EPS8: variants seen among roughly 807,000 people sequenced by gnomAD.
EPS8 encodes EGFR pathway substrate 8, signaling adaptor, also known as epidermal growth factor receptor kinase substrate 8.
In EPS8, 42 loss-of-function variants were observed where a neutral mutation model predicts 103.8. The observed-to-expected ratio is 0.40, with a 90% CI of 0.32 to 0.52. The LOEUF (loss-of-function observed/expected upper bound fraction) is 0.52. Ranked by LOEUF, EPS8 falls within the 20% of genes least tolerant of loss-of-function variation. EPS8 has a pLI of 0.40. For synonymous variants in EPS8, 344 were observed against 344.6 expected, an observed-to-expected ratio of 1.00 and a Z score of 0.02; for missense variants, 969 against 1,005.1, an observed-to-expected ratio of 0.96 and a Z score of 0.49.
intron 1 of EPS8, among the ~76,000 whole-genome samples, chr12:15,692,707 T>A (rs546825116): frequency 6.6e-6 from 1 of 152,086 alleles, no homozygotes; most frequent in African/African-American, 2.4e-5. Context: ...AGTCTCTACT[T>A]TTGTATTTTC....
Position 15,781,561 on chromosome 12 carries a change from G to C in EPS8, c.-22+7600C>G, listed in dbSNP as rs922918690. 7.9e-5 allele frequency among the ~76,000 whole-genome samples: 12 copies of C among 152,148 alleles called. No homozygotes were observed. The highest frequency in any genetic ancestry group is 1.3e-4 in the Admixed American group (2 of 15,284). ...AAAGAAGATAATGTATGTAACACCT[G>C]CCACACAAAAGGTACTATTATTATG... On this transcript the variant is annotated intron_variant, in intron 1 of 20. Coordinates refer to ENST00000281172, the MANE Select transcript of EPS8 (RefSeq NM_004447.6). The surrounding 1 kb of genome is among the most constrained non-coding windows in gnomAD (Gnocchi z 4.1).
At position 15,701,044 on chromosome 12, in the gene EPS8, T is replaced by C. The variant is rs1946305381; in HGVS notation, c.-21-18072A>G. Among the ~76,000 whole-genome samples the C allele has an allele frequency of 6.6e-6, 1 of 152,164 alleles. No individual in the cohort carries two copies. Among genetic ancestry groups the C allele is most frequent in the Non-Finnish European group, 1.5e-5 (1 of 68,026 alleles). ...CCTACCTGTGTCCATCTTTATACCA[T>C]AGTCTCTTAATGATAAACAACCTTA... On this transcript the variant is annotated intron_variant, in intron 1 of 20. Transcript: ENST00000281172. This position sits in a 1 kb window ranked among gnomAD's most constrained non-coding sequence, Gnocchi z 5.1.
In EPS8 at chr12:15,690,681, A is replaced by G. The variant is rs1946159424; in HGVS notation, c.-21-7709T>C. ...TGCTTTCTAACAGAATACGTTGTAT[A>G]CTTTTCTAGGTATCAGACTGTATCA... On this transcript the variant is annotated intron_variant, in intron 1 of 20. Transcript: ENST00000281172. This position sits in a 1 kb window ranked among gnomAD's most constrained non-coding sequence, Gnocchi z 4.7. Among the ~76,000 whole-genome samples, 1 of 152,174 alleles carries G rather than the reference A, an allele frequency of 6.6e-6. No individual in the cohort carries two copies. Among genetic ancestry groups the G allele is most frequent in the Non-Finnish European group, 1.5e-5 (1 of 68,030 alleles).
chr12:15,689,764 T>C (rs984762690), intron 1 of EPS8, among the ~76,000 whole-genome samples: 6 of 152,212 alleles, frequency 3.9e-5, no homozygotes, highest in Non-Finnish European at 8.8e-5. Flanking sequence ...TGTGTACCCA[T>C]TGTTAAGTGA....
At position 15,786,474 on chromosome 12, in the gene EPS8, A is replaced by G. The variant is rs1947311967; in HGVS notation, c.-22+2687T>C. ...TGGATGGTAGGGTCCTGGAACAGAAAAAGGACATTAAAAACTAAGGAAATC... is the reference window on the plus strand; with the variant it reads ...TGGATGGTAGGGTCCTGGAACAGAAGAAGGACATTAAAAACTAAGGAAATC... On this transcript the variant is annotated intron_variant, in intron 1 of 20. Coordinates refer to ENST00000281172, the MANE Select transcript of EPS8 (RefSeq NM_004447.6). Among the ~76,000 whole-genome samples the G allele has an allele frequency of 2.0e-5, 3 of 152,064 alleles. 1 individual carries two copies. In the South Asian group the frequency reaches 6.2e-4, roughly 32 times the overall value.
chr12:15,639,304 A>C (rs1382831559), intron 17 of EPS8, among the ~76,000 whole-genome samples: 1 of 152,182 alleles, frequency 6.6e-6, no homozygotes, highest in Non-Finnish European at 1.5e-5. Flanking sequence ...ACCAGACAGA[A>C]GCATATATTA....
In EPS8 at chr12:15,642,322, G is replaced by A. The variant is rs1320342503; in HGVS notation, c.1569-492C>T. Among the ~76,000 whole-genome samples, 8 of 152,116 alleles carry A rather than the reference G, an allele frequency of 5.3e-5. No homozygotes were observed. In the East Asian group the frequency reaches 1.5e-3, roughly 29 times the overall value. Reference sequence around the variant, plus strand: ...ATTTAAAATTTATAACTAGGCATTAGTTTTTAGAAACACTTTGCCCAGTTA... The same window carrying A: ...ATTTAAAATTTATAACTAGGCATTAATTTTTAGAAACACTTTGCCCAGTTA... On this transcript the variant is annotated intron_variant, in intron 15 of 20. Coordinates refer to ENST00000281172, the MANE Select transcript of EPS8 (RefSeq NM_004447.6).
chr12:15,726,585 T>TTACA (rs970848550), intron 1 of EPS8, among the ~76,000 whole-genome samples: 1 of 152,166 alleles, frequency 6.6e-6, no homozygotes, highest in Non-Finnish European at 1.5e-5. Flanking sequence ...AGATACACAC[T>TTACA]TACATACATA....
At chr12:15,703,765 A>G (rs1946343607) in intron 1 of EPS8, among the ~76,000 whole-genome samples, 1 of 150,262 alleles carries the variant, frequency 6.7e-6, no homozygotes, top group South Asian at 2.1e-4. Context: ...TTCAGGAAGC[A>G]AAGTTGATTA....
chr12:15,624,482 T>G, intron 18 of EPS8, 75 bp from the exon 19 acceptor site: 7 of 1,180,556 alleles, frequency 5.9e-6, no homozygotes, highest in Non-Finnish European at 8.3e-6. Flanking sequence ...CCCCAATCTC[T>G]ATAATCCTTG....
intron 1 of EPS8, among the ~76,000 whole-genome samples, chr12:15,708,459 C>A (rs73054944): frequency 0.017 from 2,630 of 152,216 alleles, 36 homozygotes; most frequent in Non-Finnish European, 0.028. Flanking sequence ...GGAAGTGGTG[C>A]AAGATGGGTT....
In EPS8 at chr12:15,764,284, CT is replaced by C. The variant is rs1947071133; in HGVS notation, c.-22+24876del. Among the ~76,000 whole-genome samples, 1 of 152,232 alleles carries C rather than the reference CT, an allele frequency of 6.6e-6. No homozygotes were observed. The highest frequency in any genetic ancestry group is 1.5e-5 in the Non-Finnish European group (1 of 68,046). On this transcript the variant is annotated intron_variant, in intron 1 of 20. Transcript: ENST00000281172. The surrounding 1 kb of genome is among the most constrained non-coding windows in gnomAD (Gnocchi z 4.1). Reference sequence around the variant, plus strand: ...TTCAGTTACCTCCCACCGGGTCCCTCTCATGACACATGGGAATTATGCAAGC... The same window carrying C: ...TTCAGTTACCTCCCACCGGGTCCCTCCATGACACATGGGAATTATGCAAGC...
chr12:15,784,185 CA>C lies in EPS8; in HGVS notation c.-22+4975del, dbSNP rs906584325. Among the ~76,000 whole-genome samples the C allele has an allele frequency of 1.3e-5, 2 of 152,034 alleles. No individual in the cohort carries two copies. Among genetic ancestry groups the C allele is most frequent in the Non-Finnish European group, 2.9e-5 (2 of 67,984 alleles). On this transcript the variant is annotated intron_variant, in intron 1 of 20. Transcript: ENST00000281172. The surrounding 1 kb of genome is among the most constrained non-coding windows in gnomAD (Gnocchi z 4.0). ...TTAAAGACATCTGTTCTGACAAAGA[CA>C]CTGTTAGGAAAATAAAAAGACAAAC...
chr12:15,658,385 C>G, intron 11 of EPS8, 112 bp downstream of exon 11: 1 of 842,294 alleles, frequency 1.2e-6, no homozygotes. Context: ...TACACACCCC[C>G]ACAAAATCTA....
intron 1 of EPS8, among the ~76,000 whole-genome samples, chr12:15,766,324 C>CA (rs201871648): frequency 0.014 from 2,104 of 150,862 alleles, 58 homozygotes; most frequent in African/African-American, 0.048. Context: ...CTAAAAAATA[C>CA]AAAAAAATAC....
chr12:15,639,999 C>T (rs1034013231), intron 17 of EPS8, among the ~76,000 whole-genome samples: 3 of 152,136 alleles, frequency 2.0e-5, no homozygotes, highest in Non-Finnish European at 4.4e-5. Context: ...GAGCCTGGCA[C>T]AGGTCTAAAA....
chr12:15,633,917 C>T (rs995106580), intron 17 of EPS8, among the ~76,000 whole-genome samples: 1 of 152,132 alleles, frequency 6.6e-6, no homozygotes, highest in Non-Finnish European at 1.5e-5. Context: ...TGTCTCCCTC[C>T]CTAGCTTCTC....
Position 15,621,130 on chromosome 12 carries a change from T to C in EPS8, c.*187A>G. ...AGGTCAAAAAATTCAGTTTAAATTT[T>C]TTCAGTTTTAATAAAAATAATGGGC... On this transcript the variant is annotated 3_prime_UTR_variant, in exon 21 of 21. Transcript: ENST00000281172. 2 of 436,818 alleles carry C rather than the reference T, an allele frequency of 4.6e-6. No individual in the cohort carries two copies. Among genetic ancestry groups the C allele is most frequent in the South Asian group, 1.2e-4 (2 of 16,416 alleles). 27.1% of individuals were successfully genotyped at this position (436,818 alleles called of 1,614,324 possible). A position where few individuals can be genotyped will look rare whatever the true frequency, so the allele number is the denominator to read the frequency against.
chr12:15,759,634 G>A lies in EPS8; in HGVS notation c.-22+29527C>T, dbSNP rs1356767922. On this transcript the variant is annotated intron_variant, in intron 1 of 20. Coordinates refer to ENST00000281172, the MANE Select transcript of EPS8 (RefSeq NM_004447.6). This position sits in a 1 kb window ranked among gnomAD's most constrained non-coding sequence, Gnocchi z 4.9. ...TCAAGCATCTTCCCTGACCACAAAG[G>A]AATAAAACTAGAAATCAATAACAAG... 6.6e-6 allele frequency among the ~76,000 whole-genome samples: 1 copy of A among 151,934 alleles called. No individual in the cohort carries two copies. Among genetic ancestry groups the A allele is most frequent in the Non-Finnish European group, 1.5e-5 (1 of 67,924 alleles).
Sources: gnomAD v4.1 joint callset for allele counts (sites outside exome capture counted in the v4.1 genomes callset) on GRCh38, gnomAD v4.1.1 for gene constraint, Gnocchi (gnomAD v3.1) non-coding constraint, MANE v1.5 for transcripts, NCBI Gene and HGNC (gene_info 2026-07-23, HGNC 2026-07-21) for gene names.